Variants in SLITRK5 observed in about 807,000 individuals in gnomAD.
SLITRK5 encodes the protein SLIT and NTRK like family member 5.
A neutral mutation model predicts 56.2 loss-of-function variants in SLITRK5; 23 were observed. That is an observed-to-expected ratio of 0.41 (90% CI 0.29 to 0.58). The LOEUF is 0.58. Among genes scored for constraint, SLITRK5 ranks in the 20% least tolerant of loss-of-function variants. The pLI is 0.30. For missense variants in SLITRK5, 1,289 were observed against 1,226.6 expected (o/e 1.05, Z -0.76); for synonymous variants, 637 against 531.8 (o/e 1.20, Z -2.72).
rs540498657 is a variant in SLITRK5 at position 87,671,842 on chromosome 13, G to A, written c.-376G>A. On this transcript the variant is annotated 5_prime_UTR_variant, in exon 1 of 2. Transcript: ENST00000683689. ...GAGACAGCGTCGGCGGGATCCCAGCGCGGTGGTCGCCGCTGCGCTGGGGGG... is the reference window on the plus strand; with the variant it reads ...GAGACAGCGTCGGCGGGATCCCAGCACGGTGGTCGCCGCTGCGCTGGGGGG... Among the ~76,000 whole-genome samples, 1 of 152,104 alleles carries A rather than the reference G, an allele frequency of 6.6e-6. No homozygotes were observed. Among genetic ancestry groups the A allele is most frequent in the South Asian group, 2.1e-4 (1 of 4,818 alleles).
In SLITRK5 at chr13:87,677,323, C is replaced by T. The variant is rs748882603; in HGVS notation, c.1935C>T (p.Ser645=). 8 of 1,614,116 alleles carry T rather than the reference C, an allele frequency of 5.0e-6. No homozygotes were observed. In the South Asian group the frequency reaches 8.8e-5, roughly 18 times the overall value. ...SAVTPAVRLN[S]TGAPASLGAG... ...TGACTCCTGCGGTCCGGTTGAATAG[C>T]ACCGGGGCCCCCGCGAGCTTGGGCG... The change falls in exon 2 of 2, where the codon AGC becomes AGT. Residue 645 remains serine, a synonymous_variant. Coordinates refer to ENST00000683689, the MANE Select transcript of SLITRK5 (RefSeq NM_001384609.1). The surrounding 1 kb of genome is among the most constrained non-coding windows in gnomAD (Gnocchi z 4.7).
At position 87,678,795 on chromosome 13, in the gene SLITRK5, C is replaced by CT. The variant is rs1877412302; in HGVS notation, c.*530_*531insT. 6.0e-6 allele frequency: 1 copy of CT among 167,070 alleles called. No individual in the cohort carries two copies. Among genetic ancestry groups the CT allele is most frequent in the African/African-American group, 2.4e-5 (1 of 41,178 alleles). 10.3% of individuals were successfully genotyped at this position (167,070 alleles called of 1,614,324 possible). On this transcript the variant is annotated 3_prime_UTR_variant, in exon 2 of 2. Transcript: ENST00000683689. ...CTCTCCTTCTCTCCTCCCCTCCCCT[C>CT]CCTTCTCATTCCTTTTCTTTGTTTT...
At chr13:87,675,046 A>G (rs1877208673) in intron 1 of SLITRK5, among the ~76,000 whole-genome samples, 1 of 151,404 alleles carries the variant, frequency 6.6e-6, no homozygotes, top group South Asian at 2.1e-4. Flanking sequence ...AACTGAACTG[A>G]CAGCCATTTT....
At chr13:87,674,913 C>T (rs779415590) in intron 1 of SLITRK5, among the ~76,000 whole-genome samples, 1 of 150,890 alleles carries the variant, frequency 6.6e-6, no homozygotes, top group Non-Finnish European at 1.5e-5. Context: ...ACATGAGAGA[C>T]CTTCACGGTG....
In SLITRK5 at chr13:87,679,413, C is replaced by G. The variant is rs1877443730; in HGVS notation, c.*1148C>G. 6.0e-6 allele frequency: 1 copy of G among 166,930 alleles called. No homozygotes were observed. The highest frequency in any genetic ancestry group is 2.1e-4 in the South Asian group (1 of 4,830). 10.3% of individuals were successfully genotyped at this position (166,930 alleles called of 1,614,324 possible). ...ACCCAGTTGCATTTGTACAGATCCACGTGTACTGGCACCTCAGAAGACCAA... is the reference window on the plus strand; with the variant it reads ...ACCCAGTTGCATTTGTACAGATCCAGGTGTACTGGCACCTCAGAAGACCAA... On this transcript the variant is annotated 3_prime_UTR_variant, in exon 2 of 2. Coordinates refer to ENST00000683689, the MANE Select transcript of SLITRK5 (RefSeq NM_001384609.1).
At position 87,678,189 on chromosome 13, in the gene SLITRK5, A is replaced by G. The variant is rs1366501359; in HGVS notation, c.2801A>G (p.Glu934Gly). The G allele has an allele frequency of 6.2e-7, 1 of 1,614,200 alleles. No homozygotes were observed. Among genetic ancestry groups the G allele is most frequent in the East Asian group, 2.2e-5 (1 of 44,870 alleles). ...GAACCCAACCGGAACGAATATCTGG[A>G]GTTAAAAGCAAAACTAAACGTTGAG... ...FVEPNRNEYL[E>G]LKAKLNVEPD... Residue 934 changes from glutamate to glycine, a missense_variant, in exon 2 of 2, where the codon GAG (glutamate) becomes GGG (glycine). By Grantham distance (98) the Glu-to-Gly change is moderately conservative. Around this residue, in one of 3 missense-constraint regions of SLITRK5, gnomAD observed 985 missense variants for 906.0 expected, o/e 1.09. Transcript: ENST00000683689.
chr13:87,673,419 C>A, intron 1 of SLITRK5: 1 of 468,426 alleles, frequency 2.1e-6, no homozygotes, highest in Non-Finnish European at 3.9e-6. Context: ...GTTGTAAACG[C>A]TGGAGTTTAA....
At position 87,676,467 on chromosome 13, in the gene SLITRK5, C is replaced by T. The variant is rs1192487932; in HGVS notation, c.1079C>T (p.Pro360Leu). ...SKDLGYSNYG[P>L]SIAYQTKSPV... ...GACTTGGGCTACAGCAACTATGGCC[C>T]CAGCATCGCCTATCAGACCAAATCC... Residue 360 changes from proline (P) to leucine (L), a missense_variant, in exon 2 of 2, where the codon CCC becomes CTC. By Grantham distance (98) the Pro-to-Leu change is moderately conservative. Coordinates refer to ENST00000683689, the MANE Select transcript of SLITRK5 (RefSeq NM_001384609.1). 1.2e-6 allele frequency: 2 copies of T among 1,614,058 alleles called. No individual in the cohort carries two copies. Among genetic ancestry groups the T allele is most frequent in the African/African-American group, 1.3e-5 (1 of 75,010 alleles).
In SLITRK5 at chr13:87,677,607, A is replaced by C. The variant is rs772275354; in HGVS notation, c.2219A>C (p.Lys740Thr). ...HVHHRGPALP[K>T]VKTPAGHVYE... ...CATCACCGCGGGCCCGCGCTGCCCAAGGTGAAGACGCCCGCGGGCCACGTG... is the reference window on the plus strand; with the variant it reads ...CATCACCGCGGGCCCGCGCTGCCCACGGTGAAGACGCCCGCGGGCCACGTG... Residue 740 changes from lysine to threonine, a missense_variant, in exon 2 of 2, where the codon AAG becomes ACG. Lys to Thr is a moderately conservative substitution (Grantham distance 78, BLOSUM62 -1). Transcript: ENST00000683689. The surrounding 1 kb of genome is among the most constrained non-coding windows in gnomAD (Gnocchi z 4.7). 10 of 1,609,764 alleles carry C rather than the reference A, an allele frequency of 6.2e-6. No individual in the cohort carries two copies. In the African/African-American group the frequency reaches 1.2e-4, roughly 19 times the overall value.
rs370488095 is a variant in SLITRK5 at position 87,678,100 on chromosome 13, G to C, written c.2712G>C (p.Pro904=). 2 of 1,614,032 alleles carry C rather than the reference G, an allele frequency of 1.2e-6. No individual in the cohort carries two copies. The highest frequency in any genetic ancestry group is 2.2e-5 in the South Asian group (2 of 91,078). Residue 904 remains proline (P), a synonymous_variant, in exon 2 of 2, where the codon CCG becomes CCC. Transcript: ENST00000683689. ...DLRRPHQYLH[P]GAGDSRLREP... Reference sequence around the variant, plus strand: ...GACGCCCCCATCAGTATTTGCACCCGGGGGCAGGGGACAGCAGGCTACGGG... The same window carrying C: ...GACGCCCCCATCAGTATTTGCACCCCGGGGCAGGGGACAGCAGGCTACGGG...
Position 87,675,481 on chromosome 13 carries a change from A to T in SLITRK5, c.93A>T (p.Thr31=), listed in dbSNP as rs1383159105. ...WMLQTLAFAV[T]SLVLSCAETI... The stretch of plus-strand genomic sequence containing the variant: ...TGCAGACTCTAGCGTTTGCTGTAAC[A>T]TCTCTCGTCCTTTCGTGTGCAGAAA... The change falls in exon 2 of 2, where the codon ACA becomes ACT. Residue 31 remains threonine (T), a synonymous_variant. Transcript: ENST00000683689. 2 of 1,614,162 alleles carry T rather than the reference A, an allele frequency of 1.2e-6. No homozygotes were observed. Among genetic ancestry groups the T allele is most frequent in the East Asian group, 4.5e-5 (2 of 44,862 alleles).
rs139555922 is a variant in SLITRK5 at position 87,671,422 on chromosome 13, G to A, written c.-796G>A. Among the ~76,000 whole-genome samples, 1 of 152,180 alleles carries A rather than the reference G, an allele frequency of 6.6e-6. No individual in the cohort carries two copies. Among genetic ancestry groups the A allele is most frequent in the Non-Finnish European group, 1.5e-5 (1 of 68,008 alleles). On this transcript the variant is annotated 5_prime_UTR_variant, in exon 1 of 2. Transcript: ENST00000683689. Reference sequence around the variant, plus strand: ...CATCATGTCTGCTGCAGCTTGGCTCGCACCAGAGGCGCGACAATAAACAAG... The same window carrying A: ...CATCATGTCTGCTGCAGCTTGGCTCACACCAGAGGCGCGACAATAAACAAG...
chr13:87,676,686 C>T lies in SLITRK5; in HGVS notation c.1298C>T (p.Thr433Met), dbSNP rs1877290402. ...VVRRTDFLEA[T>M]GLDLLHLGNN... ...CGCAGGACAGACTTCCTGGAGGCCA[C>T]GGGGCTGGACCTCCTGCACCTGGGG... is the stretch of plus-strand genomic sequence containing the variant. The change falls in exon 2 of 2, where the codon ACG (threonine) becomes ATG (methionine). Residue 433 changes from threonine (T) to methionine (M), a missense_variant. Physicochemically the swap from Thr to Met is moderately conservative, Grantham distance 81. Transcript: ENST00000683689. 10 of 1,613,980 alleles carry T rather than the reference C, an allele frequency of 6.2e-6. No homozygotes were observed. The highest frequency in any genetic ancestry group is 7.6e-6 in the Non-Finnish European group (9 of 1,180,024).
At position 87,677,594 on chromosome 13, in the gene SLITRK5, C is replaced by T; in HGVS notation, c.2206C>T (p.Pro736Ser). The change falls in exon 2 of 2, where the codon CCC (proline) becomes TCC (serine). Residue 736 changes from proline to serine, a missense_variant. Pro to Ser is a moderately conservative substitution (Grantham distance 74, BLOSUM62 -1). Coordinates refer to ENST00000683689, the MANE Select transcript of SLITRK5 (RefSeq NM_001384609.1). The surrounding 1 kb of genome is among the most constrained non-coding windows in gnomAD (Gnocchi z 4.7). ...HPHAHVHHRG[P>S]ALPKVKTPAG... is the part of the protein sequence containing the mutation. ...ACACGCGCACGTGCATCACCGCGGG[C>T]CCGCGCTGCCCAAGGTGAAGACGCC... 1.2e-6 allele frequency: 2 copies of T among 1,609,658 alleles called. No homozygotes were observed. The highest frequency in any genetic ancestry group is 2.7e-5 in the African/African-American group (2 of 74,904).
intron 1 of SLITRK5, among the ~76,000 whole-genome samples, chr13:87,674,219 T>C (rs536284721): frequency 1.3e-5 from 2 of 152,088 alleles, no homozygotes; most frequent in Non-Finnish European, 2.9e-5. Context: ...CGCTTACAGT[T>C]CTTCCTCCCA....
rs1566319948 is a variant in SLITRK5 at position 87,676,172 on chromosome 13, G to A, written c.784G>A (p.Val262Ile). The change falls in exon 2 of 2, where the codon GTA (valine) becomes ATA (isoleucine). Residue 262 changes from valine to isoleucine, a missense_variant. Physicochemically the swap from Val to Ile is conservative, Grantham distance 29 (BLOSUM62 3). Around this residue, in one of 3 missense-constraint regions of SLITRK5, gnomAD observed 13 missense variants for 33.9 expected, o/e 0.38. Coordinates refer to ENST00000683689, the MANE Select transcript of SLITRK5 (RefSeq NM_001384609.1). ...CTCCTATTCAGCCCTGGTGGGGGAT[G>A]TAGTTTGTGAGACCCCCTTCCGCTT... is the stretch of plus-strand genomic sequence containing the variant. ...SISYSALVGD[V>I]VCETPFRLHG... The A allele has an allele frequency of 3.1e-6, 5 of 1,614,118 alleles. No individual in the cohort carries two copies. Among genetic ancestry groups the A allele is most frequent in the Non-Finnish European group, 4.2e-6 (5 of 1,180,014 alleles).
At chr13:87,674,509 A>G (rs1022732963) in intron 1 of SLITRK5, 24 of 513,234 alleles carry the variant, frequency 4.7e-5, no homozygotes, top group Non-Finnish European at 5.8e-5. Flanking sequence ...GAGATTGCGG[A>G]TACCTTCGCT....
intron 1 of SLITRK5, chr13:87,673,523 C>A (rs1197212332): frequency 2.3e-6 from 3 of 1,278,450 alleles, no homozygotes; most frequent in East Asian, 5.6e-5. Flanking sequence ...GGGGACCCAA[C>A]CTCGCTGAAT....
At chr13:87,674,328 C>T (rs1053993658) in intron 1 of SLITRK5, 1 of 925,590 alleles carries the variant, frequency 1.1e-6, no homozygotes, top group Non-Finnish European at 1.3e-6. Flanking sequence ...TAAGCAACTC[C>T]AAAGATGGGG....
Sources: gnomAD v4.1 joint callset for allele counts (sites outside exome capture counted in the v4.1 genomes callset) on GRCh38, gnomAD v4.1.1 for gene constraint, gnomAD v4.1.1 regional missense constraint, Gnocchi (gnomAD v3.1) non-coding constraint, MANE v1.5 for transcripts, NCBI Gene and HGNC (gene_info 2026-07-23, HGNC 2026-07-21) for gene names.